EGF: variants seen among roughly 807,000 people sequenced by gnomAD.
EGF encodes the protein epidermal growth factor.
Under a neutral mutation model 143.8 loss-of-function variants are expected in EGF, and 95 were observed. That is an observed-to-expected ratio of 0.66 (90% CI 0.56 to 0.78). EGF has a LOEUF of 0.78. EGF is among the 30% of genes least tolerant of loss of function. The pLI is 0.00. For synonymous variants in EGF, 510 were observed against 510.5 expected (o/e 1.00, Z 0.01); for missense variants, 1,320 against 1,470.9 (o/e 0.90, Z 1.68).
At chr4:109,927,142 G>A (rs1190877969) in intron 1 of EGF, among the ~76,000 whole-genome samples, 1 of 152,188 alleles carries the variant, frequency 6.6e-6, no homozygotes, top group Non-Finnish European at 1.5e-5. Context: ...AACAAAATTT[G>A]TGAATAATCG....
chr4:109,980,958 G>A lies in EGF; in HGVS notation c.2354G>A (p.Gly785Asp), dbSNP rs779511742. 6.2e-7 allele frequency: 1 copy of A among 1,614,056 alleles called. No individual in the cohort carries two copies. The highest frequency in any genetic ancestry group is 1.1e-5 in the South Asian group (1 of 91,072). The change falls in exon 15 of 24, where the codon GGT becomes GAT. Residue 785 changes from glycine to aspartate, a missense_variant. Physicochemically the swap from Gly to Asp is moderately conservative, Grantham distance 94 (BLOSUM62 -1). Transcript: ENST00000265171. ...GGGAAAACGTGTCTGGCTCTGGATG[G>A]TCATCAGCTGTTGGCAGGTAATATA... The part of the protein sequence containing the change: ...SDGKTCLALD[G>D]HQLLAGGEVD...
rs377368092 is a variant in EGF at position 110,003,283 on chromosome 4, A to G, written c.3174-1222A>G. Among the ~76,000 whole-genome samples, 14 of 152,258 alleles carry G rather than the reference A, an allele frequency of 9.2e-5. No homozygotes were observed. In the South Asian group the frequency reaches 1.2e-3, roughly 14 times the overall value. On this transcript the variant is annotated intron_variant, in intron 21 of 23. Coordinates refer to ENST00000265171, the MANE Select transcript of EGF (RefSeq NM_001963.6). ...TGAAATAATTTCCTCTCTCTCCAACAGTGTATAAGTGTTTCCTTTTCTCCA... is the reference window on the plus strand; with the variant it reads ...TGAAATAATTTCCTCTCTCTCCAACGGTGTATAAGTGTTTCCTTTTCTCCA...
intron 1 of EGF, among the ~76,000 whole-genome samples, chr4:109,929,969 C>T (rs1739395189): frequency 6.6e-6 from 1 of 152,126 alleles, no homozygotes; most frequent in South Asian, 2.1e-4. Flanking sequence ...ATCATGGGGG[C>T]GGTTTCCCCA....
At chr4:109,957,570 G>A (rs756233342) in intron 5 of EGF, among the ~76,000 whole-genome samples, 14 of 152,240 alleles carry the variant, frequency 9.2e-5, no homozygotes, top group Non-Finnish European at 1.6e-4. Context: ...TATCTTTTGA[G>A]ATTTGAAGTA....
In EGF at chr4:110,001,524, G is replaced by A. The variant is rs12506362; in HGVS notation, c.3173+1678G>A. On this transcript the variant is annotated intron_variant, in intron 21 of 23. Transcript: ENST00000265171. ...TTCATCCCATTGGATCATTGCCAAAGGGCAGGAAAAAAAAATGGAAACTAG... is the reference window on the plus strand; with the variant it reads ...TTCATCCCATTGGATCATTGCCAAAAGGCAGGAAAAAAAAATGGAAACTAG... 25,743 of 740,710 alleles carry A rather than the reference G, an allele frequency of 0.035. 3,266 individuals carry two copies. In the East Asian group the frequency reaches 0.43, roughly 12 times the overall value. 45.9% of individuals were successfully genotyped at this position (740,710 alleles called of 1,614,324 possible).
At chr4:109,950,180 T>C (rs537485858) in intron 5 of EGF, among the ~76,000 whole-genome samples, 2 of 152,324 alleles carry the variant, frequency 1.3e-5, no homozygotes, top group Admixed American at 6.5e-5. Context: ...TTGGATTTCT[T>C]GCAAGTGTTT....
At chr4:110,002,006 T>A (rs1752632400) in intron 21 of EGF, 9 of 985,468 alleles carry the variant, frequency 9.1e-6, no homozygotes, top group Non-Finnish European at 1.1e-5. Context: ...AAATTAAAAC[T>A]GCTAGTCTAA....
intron 18 of EGF, chr4:109,992,345 T>C (rs1433305851): frequency 6.6e-6 from 1 of 152,092 alleles, no homozygotes. Flanking sequence ...TGGCAGCACA[T>C]ATACTAAAAT....
intron 1 of EGF, among the ~76,000 whole-genome samples, chr4:109,930,056 C>G (rs1424854661): frequency 6.6e-6 from 1 of 152,214 alleles, no homozygotes; most frequent in Non-Finnish European, 1.5e-5. Flanking sequence ...TTTGCTGTCT[C>G]TTCTCGCTCC....
At chr4:109,965,054 C>T (rs763875621) in intron 10 of EGF, among the ~76,000 whole-genome samples, 1 of 152,034 alleles carries the variant, frequency 6.6e-6, no homozygotes, top group Admixed American at 6.6e-5. Flanking sequence ...TAACTAATAA[C>T]ATTATTTACA....
intron 1 of EGF, among the ~76,000 whole-genome samples, chr4:109,930,700 G>A (rs1283129611): frequency 6.6e-6 from 1 of 152,200 alleles, no homozygotes; most frequent in Non-Finnish European, 1.5e-5. Context: ...TCACTTACCT[G>A]TGTGGGGCAC....
At chr4:110,006,618 A>G (rs1051680068) in intron 22 of EGF, among the ~76,000 whole-genome samples, 22 of 152,228 alleles carry the variant, frequency 1.4e-4, no homozygotes, top group African/African-American at 5.3e-4. Context: ...GTCAGTCTAC[A>G]TGGTATTTCA....
chr4:109,976,040 A>C lies in EGF; in HGVS notation c.1858A>C (p.Asn620His), dbSNP rs149978537. ...ATTATTCTGGACTGATACAGGGATT[A>C]ATCCACGAATTGAAAGTTCTTCCCT... ...KRLFWTDTGI[N>H]PRIESSSLQG... The change falls in exon 13 of 24, where the codon AAT (asparagine) becomes CAT (histidine). Residue 620 changes from asparagine to histidine, a missense_variant. Transcript: ENST00000265171. 92 of 1,613,848 alleles carry C rather than the reference A, an allele frequency of 5.7e-5. No homozygotes were observed. The highest frequency in any genetic ancestry group is 7.5e-5 in the Non-Finnish European group (89 of 1,179,848).
In EGF at chr4:109,944,115, T is replaced by G. The variant is rs10470911; in HGVS notation, c.737+46T>G. 0.34 allele frequency: 524,617 copies of G among 1,558,028 alleles called. 89,485 individuals carry two copies. The highest frequency in any genetic ancestry group is 0.41 in the Admixed American group (23,699 of 58,046). On this transcript the variant is annotated intron_variant, in intron 4 of 23. Transcript: ENST00000265171. ...AAAATAAAACAATTGTCATTTGAAG[T>G]CCACAAGATAAATTAATTTTACTTT... is the stretch of plus-strand genomic sequence containing the variant.
At chr4:109,921,511 G>A (rs1263565355) in intron 1 of EGF, among the ~76,000 whole-genome samples, 1 of 151,574 alleles carries the variant, frequency 6.6e-6, no homozygotes, top group Non-Finnish European at 1.5e-5. Context: ...CCAGCCAACT[G>A]CTGTGACAGT....
In EGF at chr4:109,993,267, G is replaced by A. The variant is rs886058994; in HGVS notation, c.2755G>A (p.Gly919Arg). 4 of 1,613,684 alleles carry A rather than the reference G, an allele frequency of 2.5e-6. No individual in the cohort carries two copies. The African/African-American group carries it at 5.3e-5, about 22-fold the overall frequency. The change falls in exon 19 of 24, where the codon GGG becomes AGG. Residue 919 changes from glycine to arginine, a missense_variant. Around this residue, in one of 5 missense-constraint regions of EGF, gnomAD observed 1,186 missense variants for 1,313.7 expected, o/e 0.90. Transcript: ENST00000265171. ...GACAGATATTGATGAGTGCCAACTG[G>A]GGGAGCACAGCTGTGGAGAGAATGC... ...HCLDIDECQLGEHSCGENASC... is the reference protein window; with the variant it reads ...HCLDIDECQLREHSCGENASC...
At chr4:109,968,301 A>G (rs1232672000) in intron 10 of EGF, among the ~76,000 whole-genome samples, 2 of 152,142 alleles carry the variant, frequency 1.3e-5, no homozygotes, top group Non-Finnish European at 2.9e-5. Flanking sequence ...GAGAAAATTG[A>G]GGTTAAAGAA....
chr4:109,958,010 C>G (rs921128654), intron 5 of EGF, among the ~76,000 whole-genome samples: 6 of 152,180 alleles, frequency 3.9e-5, no homozygotes, highest in Non-Finnish European at 5.9e-5. Flanking sequence ...ATCTCATTAA[C>G]TTTTTGGAAA....
At chr4:109,959,490 G>A in intron 6 of EGF, 53 bp downstream of exon 6, 1 of 1,610,652 alleles carries the variant, frequency 6.2e-7, no homozygotes. Flanking sequence ...CTTGAGGGGA[G>A]GAATGCTCAA....
Sources: allele counts gnomAD v4.1 joint callset (sites outside exome capture counted in the v4.1 genomes callset), GRCh38; gene constraint gnomAD v4.1.1; regional missense constraint gnomAD v4.1.1; transcripts MANE v1.5; gene names NCBI Gene and HGNC (gene_info 2026-07-23, HGNC 2026-07-21).